Variants in TRAM2 observed in about 807,000 individuals in gnomAD.
The protein encoded by TRAM2 is translocation associated membrane protein 2, also known as translocating chain-associated membrane protein 2.
TRAM2 carries 12 observed loss-of-function variants against 51.0 expected under a neutral mutation model. The observed-to-expected ratio is 0.24, with a 90% CI of 0.15 to 0.38. TRAM2 has a LOEUF of 0.38. TRAM2 is among the 10% of genes least tolerant of loss of function. The pLI is 1.00. For missense variants in TRAM2, 361 were observed against 462.0 expected, an observed-to-expected ratio of 0.78 and a Z score of 2.00; for synonymous variants, 175 against 179.4, an observed-to-expected ratio of 0.98 and a Z score of 0.20.
At chr6:52,516,150 T>C (rs1766543928) in intron 3 of TRAM2, 28 bp from the exon 4 acceptor site, 1 of 1,592,012 alleles carries the variant, frequency 6.3e-7, no homozygotes, top group African/African-American at 1.3e-5. Flanking sequence ...CCCCTCATAT[T>C]AATATACAAA....
intron 5 of TRAM2, among the ~76,000 whole-genome samples, chr6:52,508,521 C>T (rs574999845): frequency 1.3e-5 from 2 of 152,284 alleles, no homozygotes; most frequent in East Asian, 1.9e-4. Flanking sequence ...GTTCCACATA[C>T]AAAACCACTT....
At chr6:52,531,587 T>A (rs570326310) in intron 2 of TRAM2, among the ~76,000 whole-genome samples, 1 of 152,292 alleles carries the variant, frequency 6.6e-6, no homozygotes, top group Non-Finnish European at 1.5e-5. Flanking sequence ...CTGGTTCCAG[T>A]CACGCTGGCC....
intron 8 of TRAM2, 92 bp downstream of exon 8, chr6:52,505,940 T>C: frequency 6.8e-7 from 1 of 1,470,874 alleles, no homozygotes; most frequent in Non-Finnish European, 9.4e-7. Flanking sequence ...GCGGGCAGTG[T>C]GCAACCAGGG....
intron 1 of TRAM2, among the ~76,000 whole-genome samples, chr6:52,576,475 G>C (rs1370422018): frequency 6.6e-6 from 1 of 152,236 alleles, no homozygotes; most frequent in East Asian, 1.9e-4. Context: ...AACCCCACGC[G>C]TCAAGCCATG....
rs1029491678 is a variant in TRAM2, at chr6:52,570,805, C to A, written c.120+5991G>T. On this transcript the variant is annotated intron_variant, in intron 1 of 10. Transcript: ENST00000182527. ...TCCTCCCTGCCCACCACCCCCCCCC[C>A]CACACGCACACACACTCTGCCTCCA... 2.3e-4 allele frequency among the ~76,000 whole-genome samples: 33 copies of A among 142,130 alleles called. 1 individual carries two copies. The highest frequency in any genetic ancestry group is 7.9e-4 in the African/African-American group (30 of 37,914). 93.2% of individuals were successfully genotyped at this position (142,130 alleles called of 152,430 possible). A position where few individuals can be genotyped will look rare whatever the true frequency, so the allele number is the denominator to read the frequency against.
At position 52,569,499 on chromosome 6, in the gene TRAM2, A is replaced by G. The variant is rs114270347; in HGVS notation, c.120+7297T>C. On this transcript the variant is annotated intron_variant, in intron 1 of 10. Transcript: ENST00000182527. Reference sequence around the variant, plus strand: ...TGCCTTTATGCAATAACGTATGTATAAGGGTACAAACTGTGCCTCACAAGG... The same window carrying G: ...TGCCTTTATGCAATAACGTATGTATGAGGGTACAAACTGTGCCTCACAAGG... Among the ~76,000 whole-genome samples the G allele has an allele frequency of 2.0e-3, 307 of 152,080 alleles. 1 individual carries two copies. The highest frequency in any genetic ancestry group is 6.9e-3 in the African/African-American group (288 of 41,490).
At chr6:52,564,467 C>T (rs1249989181) in intron 1 of TRAM2, among the ~76,000 whole-genome samples, 1 of 152,144 alleles carries the variant, frequency 6.6e-6, no homozygotes, top group Non-Finnish European at 1.5e-5. Context: ...CCATATTCCC[C>T]CTGCGCCCAA....
rs1766162518 is a variant in TRAM2, at chr6:52,499,542, T to A, written c.*3655A>T. On this transcript the variant is annotated 3_prime_UTR_variant, in exon 11 of 11. Coordinates refer to ENST00000182527, the MANE Select transcript of TRAM2 (RefSeq NM_012288.4). ...TAAAGCATCCATGGAAGATAAGAATTTTGTTGTGGAATCCTGGGAGGAGAT... is the reference window on the plus strand; with the variant it reads ...TAAAGCATCCATGGAAGATAAGAATATTGTTGTGGAATCCTGGGAGGAGAT... 1 of 151,846 alleles carries A rather than the reference T, an allele frequency of 6.6e-6. No homozygotes were observed. The highest frequency in any genetic ancestry group is 6.6e-5 in the Admixed American group (1 of 15,258). 9.4% of individuals were successfully genotyped at this position (151,846 alleles called of 1,614,324 possible).
chr6:52,569,672 C>T (rs1355703447), intron 1 of TRAM2, among the ~76,000 whole-genome samples: 1 of 151,970 alleles, frequency 6.6e-6, no homozygotes, highest in East Asian at 1.9e-4. Flanking sequence ...CTGCCACTCA[C>T]ATCAAGTTTA....
At chr6:52,535,002 C>T (rs1265965458) in intron 2 of TRAM2, among the ~76,000 whole-genome samples, 3 of 152,218 alleles carry the variant, frequency 2.0e-5, no homozygotes, top group Non-Finnish European at 4.4e-5. Flanking sequence ...GCCTTAACAA[C>T]AGTCCTGTGA....
At chr6:52,516,358 C>G (rs1766549349) in intron 3 of TRAM2, 1 of 590,640 alleles carries the variant, frequency 1.7e-6, no homozygotes, top group South Asian at 2.1e-5. Context: ...GAAAATAACC[C>G]CAATTACTCA....
chr6:52,510,443 T>G (rs1766430869), intron 4 of TRAM2, among the ~76,000 whole-genome samples: 1 of 152,092 alleles, frequency 6.6e-6, no homozygotes, highest in South Asian at 2.1e-4. Flanking sequence ...AGCAGTAAAG[T>G]GACACTGTAG....
At position 52,516,688 on chromosome 6, in the gene TRAM2, G is replaced by T; in HGVS notation, c.234C>A (p.Ile78=). The T allele has an allele frequency of 6.2e-7, 1 of 1,614,194 alleles. No homozygotes were observed. Among genetic ancestry groups the T allele is most frequent in the African/African-American group, 1.3e-5 (1 of 75,046 alleles). ...TGATGGTGATGAAGATGTAGAACAA[G>T]ATTGTGACCAGGTCCTTAGGGCCAT... ...YHYGPKDLVT[I]LFYIFITIIL... is the part of the protein sequence containing the mutation. The change falls in exon 3 of 11, where the codon ATC becomes ATA. Residue 78 remains isoleucine, a synonymous_variant. Coordinates refer to ENST00000182527, the MANE Select transcript of TRAM2 (RefSeq NM_012288.4).
chr6:52,573,892 C>T (rs900519928), intron 1 of TRAM2, among the ~76,000 whole-genome samples: 11 of 152,110 alleles, frequency 7.2e-5, no homozygotes, highest in African/African-American at 1.7e-4. Flanking sequence ...GGCAGAGGCA[C>T]GACAGAGGTC....
chr6:52,515,749 T>A, intron 4 of TRAM2: 1 of 439,924 alleles, frequency 2.3e-6, no homozygotes, highest in Non-Finnish European at 4.2e-6. Context: ...CAGTATTGCA[T>A]AATGATTATA....
chr6:52,545,164 C>T (rs777923975), intron 1 of TRAM2, among the ~76,000 whole-genome samples: 3 of 152,194 alleles, frequency 2.0e-5, no homozygotes, highest in Non-Finnish European at 4.4e-5. Context: ...GCAAAGGTGG[C>T]CCAGGAAGAA....
At chr6:52,544,205 G>A (rs1233865373) in intron 1 of TRAM2, among the ~76,000 whole-genome samples, 3 of 152,204 alleles carry the variant, frequency 2.0e-5, no homozygotes, top group Admixed American at 1.3e-4. Context: ...AAATTCCTCT[G>A]GGTATTTGTG....
At chr6:52,560,558 T>C (rs539618797) in intron 1 of TRAM2, among the ~76,000 whole-genome samples, 1 of 152,316 alleles carries the variant, frequency 6.6e-6, no homozygotes, top group South Asian at 2.1e-4. Context: ...CTGTTCATTG[T>C]AGGTGGATAT....
At chr6:52,574,089 GT>G (rs2114113133) in intron 1 of TRAM2, among the ~76,000 whole-genome samples, 1 of 152,234 alleles carries the variant, frequency 6.6e-6, no homozygotes, top group South Asian at 2.1e-4. Context: ...TAGGAAAAGG[GT>G]GGTGAGTCCC....
Sources: gnomAD v4.1 joint callset for allele counts (sites outside exome capture counted in the v4.1 genomes callset) on GRCh38, gnomAD v4.1.1 for gene constraint, MANE v1.5 for transcripts, NCBI Gene and HGNC (gene_info 2026-07-23, HGNC 2026-07-21) for gene names.